Variants in RMDN2 observed in about 807,000 individuals in gnomAD.
RMDN2 encodes the protein regulator of microtubule dynamics protein 2.
Under a neutral mutation model 52.8 loss-of-function variants are expected in RMDN2, and 61 were observed. That is an observed-to-expected ratio of 1.16 (90% confidence interval 0.94 to 1.43). RMDN2 has a LOEUF of 1.43. Ranked by LOEUF, RMDN2 falls within the 40% of genes most tolerant of loss-of-function variation. The probability of loss-of-function intolerance (pLI) is 0.00; values close to 1 mark genes in which losing one functional copy is unlikely to be tolerated. For missense variants in RMDN2, 592 were observed against 475.3 expected, an observed-to-expected ratio of 1.25 and a Z score of -2.28; for synonymous variants, 180 against 153.1, an observed-to-expected ratio of 1.18 and a Z score of -1.30.
chr2:38,053,647 A>C (rs1222721850), intron 10 of RMDN2, among the ~76,000 whole-genome samples: 1 of 152,250 alleles, frequency 6.6e-6, no homozygotes, highest in African/African-American at 2.4e-5. Flanking sequence ...GCATTTTAAA[A>C]TTTAGATCCC....
At chr2:38,019,637 C>G (rs1217768989), downstream of RMDN2, among the ~76,000 whole-genome samples, 1 of 152,170 alleles carries the variant, frequency 6.6e-6, no homozygotes, top group Non-Finnish European at 1.5e-5. Context: ...CTTCCAGAGT[C>G]ATACTGTCAT....
At chr2:37,952,145 T>C (rs552275962) in intron 2 of RMDN2, 16 of 1,613,222 alleles carry the variant, frequency 9.9e-6, no homozygotes, top group Middle Eastern at 1.7e-4. Context: ...ATGAAGACTT[T>C]GCTGTCTTGT....
intron 10 of RMDN2, among the ~76,000 whole-genome samples, chr2:38,039,849 A>C: frequency 6.6e-6 from 1 of 152,154 alleles, no homozygotes; most frequent in East Asian, 1.9e-4. Flanking sequence ...CAATAAGCAC[A>C]AAGGTACCCA....
intron 5 of RMDN2, among the ~76,000 whole-genome samples, chr2:37,987,680 A>G (rs1225198804): frequency 6.6e-6 from 1 of 152,232 alleles, no homozygotes; most frequent in Non-Finnish European, 1.5e-5. Flanking sequence ...CCATATTGTA[A>G]ACTACGGACT....
At chr2:38,022,340 C>T (rs564377696), downstream of RMDN2, among the ~76,000 whole-genome samples, 4 of 152,294 alleles carry the variant, frequency 2.6e-5, no homozygotes, top group South Asian at 4.1e-4. Flanking sequence ...TGGGGAATCT[C>T]GTTTTCTATG....
intron 10 of RMDN2, among the ~76,000 whole-genome samples, chr2:38,012,955 A>G (rs776576189): frequency 9.9e-5 from 15 of 152,200 alleles, no homozygotes; most frequent in Non-Finnish European, 1.9e-4. Flanking sequence ...CCTATTAGGG[A>G]ACTCTCAGCT....
intron 2 of RMDN2, among the ~76,000 whole-genome samples, chr2:37,939,391 T>A (rs1325716418): frequency 6.6e-6 from 1 of 152,204 alleles, no homozygotes; most frequent in Admixed American, 6.5e-5. Flanking sequence ...GAGAGTTCTA[T>A]AGATGTCTAT....
chr2:38,017,197 A>C lies in RMDN2; in HGVS notation c.1191A>C (p.Ala397=), dbSNP rs1373132245. The change falls in exon 11 of 11, where the codon GCA becomes GCC. Residue 397 remains alanine (A), a synonymous_variant. Coordinates refer to ENST00000354545, the MANE Select transcript of RMDN2 (RefSeq NM_001170791.3). ...TATTTTCTTTATAGGATAAAGAGGCACAGAAAGAGATGCAAAAAATAATGA... is the reference window on the plus strand; with the variant it reads ...TATTTTCTTTATAGGATAAAGAGGCCCAGAAAGAGATGCAAAAAATAATGA... ...LPTVTKEDKE[A]QKEMQKIMTS... is the part of the protein sequence containing the mutation. 1.3e-6 allele frequency: 2 copies of C among 1,531,148 alleles called. No homozygotes were observed. The highest frequency in any genetic ancestry group is 4.9e-5 in the East Asian group (2 of 40,602). 94.8% of individuals were successfully genotyped at this position (1,531,148 alleles called of 1,614,324 possible).
chr2:38,064,559 G>A (rs116282401), intron 10 of RMDN2, among the ~76,000 whole-genome samples: 290 of 152,108 alleles, frequency 1.9e-3, no homozygotes, highest in African/African-American at 6.8e-3. Context: ...TCATGGAGAA[G>A]GTGAAGAGAT....
intron 2 of RMDN2, among the ~76,000 whole-genome samples, chr2:37,965,152 C>T (rs1900232): frequency 2.0e-5 from 3 of 151,892 alleles, no homozygotes; most frequent in Middle Eastern, 3.4e-3. Flanking sequence ...GACAGCATAT[C>T]GTTAAATCCC....
intron 2 of RMDN2, among the ~76,000 whole-genome samples, chr2:37,948,696 C>T (rs907452149): frequency 3.0e-4 from 45 of 152,246 alleles, no homozygotes; most frequent in African/African-American, 1.1e-3. Context: ...CTAGATATTT[C>T]CTGTACTGGT....
intron 7 of RMDN2, among the ~76,000 whole-genome samples, chr2:37,993,576 C>T (rs1166571308): frequency 1.3e-5 from 2 of 151,858 alleles, no homozygotes; most frequent in Non-Finnish European, 2.9e-5. Context: ...GCAAGAATAC[C>T]AGTTCCAAGT....
At chr2:37,937,486 GGA>G (rs750545951) in intron 2 of RMDN2, among the ~76,000 whole-genome samples, 1 of 152,204 alleles carries the variant, frequency 6.6e-6, no homozygotes, top group Non-Finnish European at 1.5e-5. Context: ...ATTACTTTGA[GGA>G]GTGTGGCCAT....
intron 2 of RMDN2, among the ~76,000 whole-genome samples, chr2:37,933,487 G>C (rs1016923768): frequency 3.9e-5 from 6 of 152,280 alleles, no homozygotes; most frequent in African/African-American, 1.4e-4. Context: ...GCACCATTGA[G>C]CACTGAGTGA....
chr2:38,013,644 A>G (rs1430963100), intron 10 of RMDN2, among the ~76,000 whole-genome samples: 1 of 152,222 alleles, frequency 6.6e-6, no homozygotes, highest in Non-Finnish European at 1.5e-5. Context: ...TTTCTTAATT[A>G]AGATATCATA....
At position 38,017,704 on chromosome 2, in the gene RMDN2, A is replaced by T; in HGVS notation, c.*465A>T. On this transcript the variant is annotated 3_prime_UTR_variant, in exon 11 of 11. Coordinates refer to ENST00000354545, the MANE Select transcript of RMDN2 (RefSeq NM_001170791.3). ...TAGTATTGTAACTGGTAATCAAAAG[A>T]TGTGAATAAAATTACAATAAAATAC... The T allele has an allele frequency of 2.3e-6, 1 of 443,122 alleles. No individual in the cohort carries two copies. Among genetic ancestry groups the T allele is most frequent in the Non-Finnish European group, 3.9e-6 (1 of 256,224 alleles). 27.4% of individuals were successfully genotyped at this position (443,122 alleles called of 1,614,324 possible). A position where few individuals can be genotyped will look rare whatever the true frequency, so the allele number is the denominator to read the frequency against.
intron 10 of RMDN2, among the ~76,000 whole-genome samples, chr2:38,025,685 C>T (rs959784820): frequency 3.6e-4 from 54 of 151,944 alleles, no homozygotes; most frequent in African/African-American, 1.2e-3. Flanking sequence ...GGAATTAATA[C>T]TGAATTTTGT....
chr2:37,945,521 C>T (rs1373305061), intron 2 of RMDN2, among the ~76,000 whole-genome samples: 3 of 152,110 alleles, frequency 2.0e-5, no homozygotes, highest in Admixed American at 6.6e-5. Context: ...GATACCTTGG[C>T]ACCAAGAGTA....
chr2:38,036,296 G>A (rs1488281032), intron 10 of RMDN2: 1 of 152,156 alleles, frequency 6.6e-6, no homozygotes, highest in Non-Finnish European at 1.5e-5. Context: ...CCCAGCTACA[G>A]GATTTATGTA....
Sources: gnomAD v4.1 joint callset for allele counts (sites outside exome capture counted in the v4.1 genomes callset) on GRCh38, gnomAD v4.1.1 for gene constraint, MANE v1.5 for transcripts, NCBI Gene and HGNC (gene_info 2026-07-23, HGNC 2026-07-21) for gene names.